Variants in CTTNBP2 observed in about 807,000 individuals in gnomAD.
CTTNBP2 encodes cortactin-binding protein 2.
CTTNBP2 carries 108 observed loss-of-function variants against 156.9 expected under a neutral mutation model. That is an observed-to-expected ratio of 0.69 (90% confidence interval 0.59 to 0.81). The LOEUF (loss-of-function observed/expected upper bound fraction) is 0.81. Ranked by LOEUF, CTTNBP2 falls within the 30% of genes least tolerant of loss-of-function variation. The pLI is 0.00. For synonymous variants in CTTNBP2, 767 were observed against 751.8 expected (o/e 1.02, Z -0.33); for missense variants, 1,924 against 2,035.4 (o/e 0.95, Z 1.05).
At chr7:117,783,827 C>A (rs573253797) in intron 5 of CTTNBP2, among the ~76,000 whole-genome samples, 1 of 152,280 alleles carries the variant, frequency 6.6e-6, no homozygotes, top group East Asian at 1.9e-4. Context: ...TACACAACTT[C>A]TCGGTTCTTT....
At chr7:117,872,557 G>T (rs1200827032) in intron 1 of CTTNBP2, among the ~76,000 whole-genome samples, 1 of 152,140 alleles carries the variant, frequency 6.6e-6, no homozygotes. Flanking sequence ...AATATTAAGG[G>T]GGTGAAAGTA....
At chr7:117,832,956 T>C (rs986793813) in intron 2 of CTTNBP2, among the ~76,000 whole-genome samples, 1 of 151,614 alleles carries the variant, frequency 6.6e-6, no homozygotes, top group Admixed American at 6.6e-5. Context: ...AGAGTTTCAC[T>C]ATGTTGGCTA....
In CTTNBP2 at chr7:117,777,553, T is replaced by C. The variant is rs774465295; in HGVS notation, c.2736A>G (p.Glu912=). 10 of 1,613,810 alleles carry C rather than the reference T, an allele frequency of 6.2e-6. No homozygotes were observed. Among genetic ancestry groups the C allele is most frequent in the Non-Finnish European group, 8.5e-6 (10 of 1,179,896 alleles). The change falls in exon 8 of 23, where the codon GAA becomes GAG. Residue 912 remains glutamate, a synonymous_variant. Transcript: ENST00000160373. ...CAGCAATGTGGGCAGCAGTCCAGCC[T>C]TCTCTGTTGGCGTGGTTAATGAGGT... ...PADLINHANR[E]GWTAAHIAAS... is the part of the protein sequence containing the mutation.
chr7:117,718,224 C>T (rs1794566745), intron 21 of CTTNBP2, 105 bp from the exon 22 acceptor site: 1 of 678,590 alleles, frequency 1.5e-6, no homozygotes, highest in Admixed American at 2.4e-5. Flanking sequence ...TTACTCTTAT[C>T]CTCTTCCCTG....
At chr7:117,844,955 T>C (rs1563061965) in intron 2 of CTTNBP2, among the ~76,000 whole-genome samples, 1 of 152,110 alleles carries the variant, frequency 6.6e-6, no homozygotes, top group Non-Finnish European at 1.5e-5. Flanking sequence ...TGAAAGAATC[T>C]AGGAGAACAG....
intron 12 of CTTNBP2, among the ~76,000 whole-genome samples, chr7:117,752,546 T>A (rs1483315740): frequency 2.0e-5 from 3 of 152,134 alleles, no homozygotes; most frequent in African/African-American, 7.2e-5. Flanking sequence ...TATTTAAAAA[T>A]AACATCATTT....
chr7:117,835,702 C>T (rs538264249), intron 2 of CTTNBP2, among the ~76,000 whole-genome samples: 4 of 152,266 alleles, frequency 2.6e-5, no homozygotes, highest in South Asian at 2.1e-4. Context: ...AACACGCATT[C>T]GTCTTGATTA....
chr7:117,786,220 T>C (rs1370456984), intron 4 of CTTNBP2, among the ~76,000 whole-genome samples: 2 of 152,210 alleles, frequency 1.3e-5, no homozygotes, highest in East Asian at 3.8e-4. Flanking sequence ...ATCAATTATT[T>C]GGGTCTATGA....
intron 22 of CTTNBP2, among the ~76,000 whole-genome samples, chr7:117,713,273 C>A (rs1794161015): frequency 6.6e-6 from 1 of 152,152 alleles, no homozygotes. Context: ...GATAATCTTT[C>A]CCTTCAGAGT....
intron 17 of CTTNBP2, among the ~76,000 whole-genome samples, chr7:117,725,838 G>A (rs1795066015): frequency 6.6e-6 from 1 of 152,084 alleles, no homozygotes; most frequent in Admixed American, 6.5e-5. Flanking sequence ...CAGGCGTGTG[G>A]CAACAGGCCT....
At chr7:117,830,525 A>G (rs920356918) in intron 2 of CTTNBP2, among the ~76,000 whole-genome samples, 1 of 152,226 alleles carries the variant, frequency 6.6e-6, no homozygotes, top group Non-Finnish European at 1.5e-5. Flanking sequence ...CCTTGCTCTT[A>G]GAGTGTCATG....
intron 2 of CTTNBP2, 134 bp from the exon 3 acceptor site, chr7:117,811,123 G>T: frequency 3.0e-6 from 2 of 671,256 alleles, no homozygotes; most frequent in Non-Finnish European, 5.0e-6. Flanking sequence ...GATGTCAGTG[G>T]TGAGTGAGAG....
rs1369034642 is a variant in CTTNBP2 at position 117,757,872 on chromosome 7, T to C, written c.3268+3A>G. On this transcript the variant is annotated splice_donor_region_variant and intron_variant, in intron 11 of 22. Coordinates refer to ENST00000160373, the MANE Select transcript of CTTNBP2 (RefSeq NM_033427.3). The stretch of plus-strand genomic sequence containing the variant: ...ACGTCACCTTAGTTAGGGACATCCT[T>C]ACCTGACAAAAGCACAGTGATGTGC... The C allele has an allele frequency of 1.9e-6, 3 of 1,600,762 alleles. No individual in the cohort carries two copies. Among genetic ancestry groups the C allele is most frequent in the Non-Finnish European group, 2.6e-6 (3 of 1,172,556 alleles).
intron 9 of CTTNBP2, among the ~76,000 whole-genome samples, chr7:117,765,619 T>C (rs751546004): frequency 5.3e-4 from 81 of 152,200 alleles, no homozygotes; most frequent in Non-Finnish European, 1.0e-3. Context: ...ATATCAGTCT[T>C]TATTTCATAA....
At chr7:117,779,745 T>A (rs572944840) in intron 7 of CTTNBP2, among the ~76,000 whole-genome samples, 20 of 150,872 alleles carry the variant, frequency 1.3e-4, no homozygotes, top group South Asian at 2.1e-4. Flanking sequence ...TATATATATA[T>A]AAAATACATA....
intron 8 of CTTNBP2, 96 bp downstream of exon 8, chr7:117,777,415 C>T: frequency 1.6e-6 from 2 of 1,255,820 alleles, no homozygotes; most frequent in Non-Finnish European, 2.2e-6. Flanking sequence ...ACTCAGTCTC[C>T]AATTATTCAA....
chr7:117,814,258 T>TC (rs1800447986), intron 2 of CTTNBP2, among the ~76,000 whole-genome samples: 1 of 151,808 alleles, frequency 6.6e-6, no homozygotes, highest in Non-Finnish European at 1.5e-5. Flanking sequence ...TTTTTTTTTT[T>TC]CTTACTGGTG....
intron 16 of CTTNBP2, among the ~76,000 whole-genome samples, chr7:117,731,148 TCAGA>T (rs1403885812): frequency 6.6e-5 from 10 of 152,216 alleles, no homozygotes; most frequent in African/African-American, 2.2e-4. Context: ...GGAAGATTTG[TCAGA>T]CAGCAGAAGT....
chr7:117,873,204 T>G (rs1253890649), intron 1 of CTTNBP2, 131 bp downstream of exon 1: 1 of 670,136 alleles, frequency 1.5e-6, no homozygotes, highest in Non-Finnish European at 2.1e-6. Context: ...GGGGCCCCGA[T>G]GAAGGGGCAC....
Sources: gnomAD v4.1 joint callset for allele counts (sites outside exome capture counted in the v4.1 genomes callset) on GRCh38, gnomAD v4.1.1 for gene constraint, MANE v1.5 for transcripts, NCBI Gene and HGNC (gene_info 2026-07-23, HGNC 2026-07-21) for gene names.